Variants in ZNF652 observed in about 807,000 individuals in gnomAD.
ZNF652 encodes zinc finger protein 652.
ZNF652 carries 16 observed loss-of-function variants against 45.2 expected under a neutral mutation model. The ratio of observed to expected loss-of-function variants is 0.35; its 90% CI spans 0.24 to 0.54. The LOEUF is 0.54. Among genes scored for constraint, ZNF652 ranks in the 20% least tolerant of loss-of-function variants. The pLI is 0.91. For synonymous variants in ZNF652, 250 were observed against 260.6 expected (o/e 0.96, Z 0.39); for missense variants, 614 against 765.6 (o/e 0.80, Z 2.34).
In ZNF652 at chr17:49,296,160, A is replaced by G. The variant is rs1287526680; in HGVS notation, c.*2253T>C. Reference sequence around the variant, plus strand: ...AAAGATATAACAGTCATATGCAAGGAATTAACTTTCCTTATTGGCTTGGGT... The same window carrying G: ...AAAGATATAACAGTCATATGCAAGGGATTAACTTTCCTTATTGGCTTGGGT... On this transcript the variant is annotated 3_prime_UTR_variant, in exon 6 of 6. Coordinates refer to ENST00000430262, the MANE Select transcript of ZNF652 (RefSeq NM_001145365.3). 6.6e-6 allele frequency: 1 copy of G among 152,420 alleles called. No individual in the cohort carries two copies. The highest frequency in any genetic ancestry group is 2.4e-5 in the African/African-American group (1 of 41,430). 9.4% of individuals were successfully genotyped at this position (152,420 alleles called of 1,614,324 possible). A position where few individuals can be genotyped will look rare whatever the true frequency, so the allele number is the denominator to read the frequency against.
intron 3 of ZNF652, 114 bp from the exon 4 acceptor site, chr17:49,312,156 AG>A: frequency 4.4e-6 from 1 of 226,828 alleles, no homozygotes; most frequent in South Asian, 6.4e-5. Context: ...CTGATTTGTG[AG>A]GCTTTTTTTT....
chr17:49,354,946 G>T lies in ZNF652; in HGVS notation c.-259+6963C>A, dbSNP rs569698781. 2.0e-4 allele frequency among the ~76,000 whole-genome samples: 30 copies of T among 152,026 alleles called. No individual in the cohort carries two copies. The East Asian group carries it at 3.1e-3, about 16-fold the overall frequency. ...TCTCCATGTTGGCCAGGCTGGTCTCGAACTTCTGACTTCAAGTGATCTGCC... is the reference window on the plus strand; with the variant it reads ...TCTCCATGTTGGCCAGGCTGGTCTCTAACTTCTGACTTCAAGTGATCTGCC... On this transcript the variant is annotated intron_variant, in intron 1 of 5. Transcript: ENST00000430262.
At chr17:49,302,777 C>G (rs905906422) in intron 5 of ZNF652, among the ~76,000 whole-genome samples, 1 of 151,748 alleles carries the variant, frequency 6.6e-6, no homozygotes, top group African/African-American at 2.4e-5. Flanking sequence ...GCTTGGCCAA[C>G]ATGGTGAAAC....
intron 1 of ZNF652, among the ~76,000 whole-genome samples, chr17:49,335,010 T>C (rs543131466): frequency 1.3e-4 from 20 of 152,106 alleles, no homozygotes; most frequent in African/African-American, 4.8e-5. Flanking sequence ...AGGTTTCTTT[T>C]GGGGGCAATG....
At chr17:49,336,269 T>C (rs1355115420) in intron 1 of ZNF652, among the ~76,000 whole-genome samples, 3 of 151,024 alleles carry the variant, frequency 2.0e-5, no homozygotes, top group African/African-American at 7.3e-5. Flanking sequence ...ATGATCTGTC[T>C]GCCTCGGCCT....
At chr17:49,338,903 A>G (rs1458911431) in intron 1 of ZNF652, among the ~76,000 whole-genome samples, 1 of 152,242 alleles carries the variant, frequency 6.6e-6, no homozygotes, top group Non-Finnish European at 1.5e-5. Context: ...ACAGAAGCCA[A>G]GAGATTAAAA....
chr17:49,330,755 T>TA (rs575518564), intron 1 of ZNF652, among the ~76,000 whole-genome samples: 19 of 151,370 alleles, frequency 1.3e-4, no homozygotes, highest in African/African-American at 3.2e-4. Context: ...TTAACTTTAT[T>TA]AAAAAAAATC....
Position 49,329,302 on chromosome 17 carries a change from T to C in ZNF652, c.-258-11319A>G, listed in dbSNP as rs138627850. ...TAAATAAATTTGTCAACTTTGAATT[T>C]TGTATGTAAAGTAGAAGTTATAGAA... On this transcript the variant is annotated intron_variant, in intron 1 of 5. Transcript: ENST00000430262. Among the ~76,000 whole-genome samples the C allele has an allele frequency of 1.5e-3, 229 of 152,314 alleles. 1 individual carries two copies. The highest frequency in any genetic ancestry group is 3.5e-3 in the Admixed American group (53 of 15,300).
chr17:49,307,234 A>AG (rs1238300306), intron 5 of ZNF652, among the ~76,000 whole-genome samples: 1 of 151,588 alleles, frequency 6.6e-6, no homozygotes, highest in East Asian at 2.0e-4. Flanking sequence ...CAGGAGTTTT[A>AG]GAGCCTGGCC....
chr17:49,342,692 G>A (rs73324323), intron 1 of ZNF652, among the ~76,000 whole-genome samples: 7 of 151,340 alleles, frequency 4.6e-5, no homozygotes, highest in Admixed American at 2.0e-4. Context: ...GTGACCACAC[G>A]AAAATTTCAA....
chr17:49,311,919 T>C lies in ZNF652; in HGVS notation c.1164+8A>G, dbSNP rs2069717854. The C allele has an allele frequency of 2.5e-6, 4 of 1,609,622 alleles. No individual in the cohort carries two copies. The highest frequency in any genetic ancestry group is 3.4e-6 in the Non-Finnish European group (4 of 1,176,448). ...TAGGCCTGGGCCTGTAGGTAGCACATTCCTTACCTCGCATCTAAAGGGCTT... is the reference window on the plus strand; with the variant it reads ...TAGGCCTGGGCCTGTAGGTAGCACACTCCTTACCTCGCATCTAAAGGGCTT... On this transcript the variant is annotated splice_region_variant and intron_variant, in intron 4 of 5. Transcript: ENST00000430262.
chr17:49,334,069 A>C (rs1397593050), intron 1 of ZNF652, among the ~76,000 whole-genome samples: 1 of 152,260 alleles, frequency 6.6e-6, no homozygotes, highest in Non-Finnish European at 1.5e-5. Flanking sequence ...GAAAACTTGT[A>C]AACAAATGTT....
At chr17:49,337,993 A>AT in intron 1 of ZNF652, among the ~76,000 whole-genome samples, 1 of 152,120 alleles carries the variant, frequency 6.6e-6, no homozygotes, top group South Asian at 2.1e-4. Flanking sequence ...AAATACAACA[A>AT]TTTTTTGTTT....
chr17:49,355,625 C>T lies in ZNF652; in HGVS notation c.-259+6284G>A, dbSNP rs141250126. On this transcript the variant is annotated intron_variant, in intron 1 of 5. Coordinates refer to ENST00000430262, the MANE Select transcript of ZNF652 (RefSeq NM_001145365.3). ...ATAAAAATAATTAGTAGTGACCGGG[C>T]GCGGTGGCTCACGCCTGTAATCCCA... is the stretch of plus-strand genomic sequence containing the variant. Among the ~76,000 whole-genome samples the T allele has an allele frequency of 4.6e-5, 7 of 152,098 alleles. No individual in the cohort carries two copies. The East Asian group carries it at 9.7e-4, about 21-fold the overall frequency.
Position 49,292,190 on chromosome 17 carries a change from C to CA in ZNF652, c.*6222dup, listed in dbSNP as rs1159641117. ...TTTCATTCACCTAAAAAAATGCAATCAAATCTCCTCATTTGAAAGAGTTCT... is the reference window on the plus strand; with the variant it reads ...TTTCATTCACCTAAAAAAATGCAATCAAAATCTCCTCATTTGAAAGAGTTCT... On this transcript the variant is annotated 3_prime_UTR_variant, in exon 6 of 6. Transcript: ENST00000430262. Among the ~76,000 whole-genome samples, 1 of 152,054 alleles carries CA rather than the reference C, an allele frequency of 6.6e-6. No homozygotes were observed. Among genetic ancestry groups the CA allele is most frequent in the African/African-American group, 2.4e-5 (1 of 41,402 alleles).
chr17:49,330,315 TGGA>T (rs2143846428), intron 1 of ZNF652, among the ~76,000 whole-genome samples: 1 of 152,294 alleles, frequency 6.6e-6, no homozygotes, highest in African/African-American at 2.4e-5. Flanking sequence ...TATTTTGAGA[TGGA>T]GTCTCACTCT....
chr17:49,298,089 T>G lies in ZNF652; in HGVS notation c.*324A>C. On this transcript the variant is annotated 3_prime_UTR_variant, in exon 6 of 6. Coordinates refer to ENST00000430262, the MANE Select transcript of ZNF652 (RefSeq NM_001145365.3). ...CCCCTCTTTGAGGAGAAGTCTGGGA[T>G]ATAAAAGCAAGCATACCTCATCAGC... 1 of 305,342 alleles carries G rather than the reference T, an allele frequency of 3.3e-6. No individual in the cohort carries two copies. The highest frequency in any genetic ancestry group is 6.2e-6 in the Non-Finnish European group (1 of 162,546). 18.9% of individuals were successfully genotyped at this position (305,342 alleles called of 1,614,324 possible). A position where few individuals can be genotyped will look rare whatever the true frequency, so the allele number is the denominator to read the frequency against.
rs1341923925 is a variant in ZNF652, at chr17:49,317,098, T to C, written c.628A>G (p.Thr210Ala). The C allele has an allele frequency of 1.2e-6, 2 of 1,614,008 alleles. No homozygotes were observed. The highest frequency in any genetic ancestry group is 1.3e-5 in the African/African-American group (1 of 74,922). Residue 210 changes from threonine to alanine, a missense_variant, in exon 2 of 6, where the codon ACA becomes GCA. Transcript: ENST00000430262. ...TCTACACTCTTCCTACGACCTCTTG[T>C]AGTTCTGGGAGTAGGGGAAGTGGTA... ...AATTSPTPRT[T>A]RGRRKSVEPP...
chr17:49,333,635 G>T (rs1351466045), intron 1 of ZNF652, among the ~76,000 whole-genome samples: 4 of 145,728 alleles, frequency 2.7e-5, no homozygotes, highest in Non-Finnish European at 6.0e-5. Context: ...CAGAAGAATG[G>T]TGTGAACCCA....
Sources: gnomAD v4.1 joint callset for allele counts (sites outside exome capture counted in the v4.1 genomes callset) on GRCh38, gnomAD v4.1.1 for gene constraint, MANE v1.5 for transcripts, NCBI Gene and HGNC (gene_info 2026-07-23, HGNC 2026-07-21) for gene names.